The following ALOX12B variants were observed in gnomAD, a reference collection of about 807,000 sequenced individuals.
The protein encoded by ALOX12B is arachidonate 12-lipoxygenase, 12R-type.
Under a neutral mutation model 78.9 loss-of-function variants are expected in ALOX12B, and 47 were observed. The observed-to-expected ratio is 0.60, with a 90% CI of 0.47 to 0.76. The LOEUF (loss-of-function observed/expected upper bound fraction) is 0.76. ALOX12B is among the 30% of genes least tolerant of loss of function. The pLI is 0.00. For missense variants in ALOX12B, 805 were observed against 922.6 expected (o/e 0.87, Z 1.65); for synonymous variants, 370 against 374.5 (o/e 0.99, Z 0.14).
At chr17:8,082,646 C>G (rs1977240399) in intron 2 of ALOX12B, among the ~76,000 whole-genome samples, 1 of 152,164 alleles carries the variant, frequency 6.6e-6, no homozygotes, top group South Asian at 2.1e-4. Flanking sequence ...AGTGTTTCAC[C>G]CTGAACATCT....
rs1567985357 is a variant in ALOX12B, at chr17:8,086,177, A to G, written c.191T>C (p.Leu64Pro). 6.2e-7 allele frequency: 1 copy of G among 1,614,060 alleles called. No individual in the cohort carries two copies. The highest frequency in any genetic ancestry group is 1.7e-5 in the Admixed American group (1 of 60,016). ...CTCTTTGTGCAGGCGGATGATGATG[A>G]GCTCACCCAGGTCCTGAGGGCACTG... The part of the protein sequence containing the change: ...TVQCPQDLGE[L>P]IIIRLHKERY... The change falls in exon 2 of 15, where the codon CTC becomes CCC. Residue 64 changes from leucine to proline, a missense_variant. By Grantham distance (98) the Leu-to-Pro change is moderately conservative. Coordinates refer to ENST00000647874, the MANE Select transcript of ALOX12B (RefSeq NM_001139.3).
At position 8,087,548 on chromosome 17, in the gene ALOX12B, C is replaced by T; in HGVS notation, c.-106G>A. ...GAAGCCAGGCACAGAGTGGAGTGGA[C>T]AGGGCTGGCCTCCGAGGTGCAGTGG... On this transcript the variant is annotated 5_prime_UTR_variant, in exon 1 of 15. Transcript: ENST00000647874. The T allele has an allele frequency of 1.9e-6, 3 of 1,571,788 alleles. No individual in the cohort carries two copies. Among genetic ancestry groups the T allele is most frequent in the East Asian group, 4.5e-5 (2 of 44,428 alleles).
At chr17:8,083,231 C>T (rs768122195) in intron 2 of ALOX12B, among the ~76,000 whole-genome samples, 5 of 152,004 alleles carry the variant, frequency 3.3e-5, no homozygotes, top group Non-Finnish European at 7.3e-5. Context: ...AACATACACA[C>T]ATGTGTACAG....
intron 2 of ALOX12B, among the ~76,000 whole-genome samples, chr17:8,082,714 C>A (rs943872402): frequency 6.6e-6 from 1 of 152,104 alleles, no homozygotes; most frequent in Non-Finnish European, 1.5e-5. Context: ...GAACTCTGGG[C>A]CTTTTGCAGC....
chr17:8,079,629 G>C lies in ALOX12B; in HGVS notation c.928-90C>G, dbSNP rs897803171. 2.0e-6 allele frequency: 3 copies of C among 1,535,092 alleles called. No homozygotes were observed. The Admixed American group carries it at 5.9e-5, about 30-fold the overall frequency. On this transcript the variant is annotated intron_variant, in intron 7 of 14. Coordinates refer to ENST00000647874, the MANE Select transcript of ALOX12B (RefSeq NM_001139.3). This position sits in a 1 kb window ranked among gnomAD's most constrained non-coding sequence, Gnocchi z 6.4. ...AGGTGCACAGGGCGCTGGCGACTAG[G>C]GGCAGGGGTGGGACGGGGACAGGGA...
rs550272024 is a variant in ALOX12B, at chr17:8,072,855, G to A, written c.2022C>T (p.His674=). ...AFRQRLNQIS[H]DIRQRNKCLP... is the part of the protein sequence containing the mutation. ...GGCACTTGTTGCGCTGGCGGATGTC[G>A]TGTGAGATCTGGTTCAGGCGCTGGC... The change falls in exon 15 of 15, where the codon CAC becomes CAT. Residue 674 remains histidine, a synonymous_variant. Coordinates refer to ENST00000647874, the MANE Select transcript of ALOX12B (RefSeq NM_001139.3). 6.2e-7 allele frequency: 1 copy of A among 1,614,208 alleles called. No homozygotes were observed. Among genetic ancestry groups the A allele is most frequent in the African/African-American group, 1.3e-5 (1 of 75,048 alleles).
chr17:8,076,344 C>T lies in ALOX12B; in HGVS notation c.1363G>A (p.Gly455Ser), dbSNP rs1977081555. Residue 455 changes from glycine to serine, a missense_variant and splice_region_variant, in exon 11 of 15, where the codon GGC becomes AGC. Gly to Ser is a moderately conservative substitution (Grantham distance 56). Transcript: ENST00000647874. ...LLNEGGLSAK[G>S]MSLGVEGFAG... is the part of the protein sequence containing the mutation. ...AAGCCTTCCACGCCCAGGGACATGC[C>T]CTGTGAGGAAGGAGGCAGATCCTGG... 6.3e-7 allele frequency: 1 copy of T among 1,598,574 alleles called. No homozygotes were observed. The highest frequency in any genetic ancestry group is 8.5e-7 in the Non-Finnish European group (1 of 1,172,298).
chr17:8,080,878 C>A lies in ALOX12B; in HGVS notation c.527+6G>T, dbSNP rs370537484. 8.7e-6 allele frequency: 14 copies of A among 1,613,792 alleles called. No individual in the cohort carries two copies. The African/African-American group carries it at 1.5e-4, about 17-fold the overall frequency. ...GGCGGGGCCCAGCACAGCTTCGGGT[C>A]CTTACTCAGGCCGGTTGGGGTTGCG... is the stretch of plus-strand genomic sequence containing the variant. On this transcript the variant is annotated splice_donor_region_variant and intron_variant, in intron 4 of 14. Coordinates refer to ENST00000647874, the MANE Select transcript of ALOX12B (RefSeq NM_001139.3). This position sits in a 1 kb window ranked among gnomAD's most constrained non-coding sequence, Gnocchi z 4.8.
At chr17:8,078,928 C>T (rs1002764192) in intron 8 of ALOX12B, among the ~76,000 whole-genome samples, 7 of 141,494 alleles carry the variant, frequency 4.9e-5, no homozygotes, top group East Asian at 2.1e-4. Context: ...GATGGAGTCT[C>T]GCTCTGTCGC....
Position 8,080,380 on chromosome 17 carries a change from CCAAGCGCCGGCTGGGG to C in ALOX12B, c.651-58_651-43del, listed in dbSNP as rs779377025. On this transcript the variant is annotated intron_variant, in intron 5 of 14. Coordinates refer to ENST00000647874, the MANE Select transcript of ALOX12B (RefSeq NM_001139.3). This position sits in a 1 kb window ranked among gnomAD's most constrained non-coding sequence, Gnocchi z 4.8. ...CAGGAAGAGGCCTTCAGAGGGGCTGCCAAGCGCCGGCTGGGGCAGGTGGCGGGGCCGCCCCATCCAC... is the reference window on the plus strand; with the variant it reads ...CAGGAAGAGGCCTTCAGAGGGGCTGCCAGGTGGCGGGGCCGCCCCATCCAC... The C allele has an allele frequency of 6.2e-7, 1 of 1,607,364 alleles. No individual in the cohort carries two copies. Among genetic ancestry groups the C allele is most frequent in the African/African-American group, 1.3e-5 (1 of 74,786 alleles).
chr17:8,082,794 C>T (rs1436782267), intron 2 of ALOX12B, among the ~76,000 whole-genome samples: 1 of 152,168 alleles, frequency 6.6e-6, no homozygotes, highest in Admixed American at 6.5e-5. Flanking sequence ...CTCATTCCTT[C>T]GTCACCACCG....
At position 8,080,826 on chromosome 17, in the gene ALOX12B, G is replaced by A. The variant is rs1433449767; in HGVS notation, c.528-46C>T. 6.2e-7 allele frequency: 1 copy of A among 1,613,952 alleles called. No homozygotes were observed. Among genetic ancestry groups the A allele is most frequent in the Admixed American group, 1.7e-5 (1 of 60,018 alleles). ...CAACTGGGATCCAGGGGGCGGGGAG[G>A]AGGCAGGCGCCCAGGGGAAAACCAT... On this transcript the variant is annotated intron_variant, in intron 4 of 14. Transcript: ENST00000647874. This position sits in a 1 kb window ranked among gnomAD's most constrained non-coding sequence, Gnocchi z 4.8.
In ALOX12B at chr17:8,073,766, C is replaced by T. The variant is rs751773510; in HGVS notation, c.1655-9G>A. The T allele has an allele frequency of 1.4e-4, 224 of 1,611,950 alleles. No homozygotes were observed. The Middle Eastern group carries it at 3.5e-3, about 25-fold the overall frequency. On this transcript the variant is annotated splice_polypyrimidine_tract_variant and intron_variant, in intron 12 of 14. Coordinates refer to ENST00000647874, the MANE Select transcript of ALOX12B (RefSeq NM_001139.3). ...CAAGCACCTAGGGAAGCCTGACCGG[C>T]GGGGGAAAAGCCCAGGCGACATCAG...
chr17:8,079,133 G>A lies in ALOX12B; in HGVS notation c.1071+263C>T, dbSNP rs1432571689. On this transcript the variant is annotated intron_variant, in intron 8 of 14. Coordinates refer to ENST00000647874, the MANE Select transcript of ALOX12B (RefSeq NM_001139.3). The surrounding 1 kb of genome is among the most constrained non-coding windows in gnomAD (Gnocchi z 6.4). ...AGGATGGTCTCGATCTCCTGACCTC[G>A]TGATCCGCCCGCCTCGGCCTCCCAA... is the stretch of plus-strand genomic sequence containing the variant. Among the ~76,000 whole-genome samples, 23 of 151,996 alleles carry A rather than the reference G, an allele frequency of 1.5e-4. No homozygotes were observed. Among genetic ancestry groups the A allele is most frequent in the African/African-American group, 5.3e-4 (22 of 41,422 alleles).
rs996858451 is a variant in ALOX12B, at chr17:8,075,601, T to G, written c.1648A>C (p.Ser550Arg). The G allele has an allele frequency of 6.2e-7, 1 of 1,613,758 alleles. No homozygotes were observed. Among genetic ancestry groups the G allele is most frequent in the African/African-American group, 1.3e-5 (1 of 74,796 alleles). The stretch of plus-strand genomic sequence containing the variant: ...CAGGTGTCCAGGCCCATACCTGAGC[T>G]CTCCCGCCCCAGGAGGCACTCTTTA... ...IFKECLLGRE[S>R]SGFPRCLRTV... The change falls in exon 12 of 15, where the codon AGC (serine) becomes CGC (arginine). Residue 550 changes from serine to arginine, a missense_variant. Coordinates refer to ENST00000647874, the MANE Select transcript of ALOX12B (RefSeq NM_001139.3).
rs1189970557 is a variant in ALOX12B, at chr17:8,079,721, G to T, written c.927+48C>A. 1 of 1,586,080 alleles carries T rather than the reference G, an allele frequency of 6.3e-7. No homozygotes were observed. Among genetic ancestry groups the T allele is most frequent in the Non-Finnish European group, 8.6e-7 (1 of 1,167,918 alleles). Reference sequence around the variant, plus strand: ...GGTGGGGAGAGACGGGGATGCCCGCGAGGGAGGCCGGGAGGAGGGCCGGGG... The same window carrying T: ...GGTGGGGAGAGACGGGGATGCCCGCTAGGGAGGCCGGGAGGAGGGCCGGGG... On this transcript the variant is annotated intron_variant, in intron 7 of 14. Coordinates refer to ENST00000647874, the MANE Select transcript of ALOX12B (RefSeq NM_001139.3). This position sits in a 1 kb window ranked among gnomAD's most constrained non-coding sequence, Gnocchi z 6.4.
In ALOX12B at chr17:8,085,662, A is replaced by G. The variant is rs1489017453; in HGVS notation, c.352+354T>C. On this transcript the variant is annotated intron_variant, in intron 2 of 14. Transcript: ENST00000647874. ...CCTCCTGTGAGAGTCCTGAGCCTGTACTTAGCATCACAAGGGGTATTTTTA... is the reference window on the plus strand; with the variant it reads ...CCTCCTGTGAGAGTCCTGAGCCTGTGCTTAGCATCACAAGGGGTATTTTTA... 3.3e-5 allele frequency among the ~76,000 whole-genome samples: 5 copies of G among 152,334 alleles called. No individual in the cohort carries two copies. The East Asian group carries it at 9.6e-4, about 29-fold the overall frequency.
At chr17:8,084,399 C>T (rs181240058) in intron 2 of ALOX12B, among the ~76,000 whole-genome samples, 1 of 152,180 alleles carries the variant, frequency 6.6e-6, no homozygotes, top group Non-Finnish European at 1.5e-5. Context: ...ACCCAGAGAC[C>T]TAGCTCGTTT....
rs957058986 is a variant in ALOX12B at position 8,072,702 on chromosome 17, C to A, written c.*69G>T. On this transcript the variant is annotated 3_prime_UTR_variant, in exon 15 of 15. Coordinates refer to ENST00000647874, the MANE Select transcript of ALOX12B (RefSeq NM_001139.3). ...GTCTCTGAGGTTTTTGTGTTTTTTG[C>A]TTGTTTGTTTTGTTTTGTTGAAAAT... 2.5e-5 allele frequency: 40 copies of A among 1,594,680 alleles called. No homozygotes were observed. The highest frequency in any genetic ancestry group is 3.4e-5 in the Admixed American group (2 of 59,112).
Sources: gnomAD v4.1 joint callset for allele counts (sites outside exome capture counted in the v4.1 genomes callset) on GRCh38, gnomAD v4.1.1 for gene constraint, Gnocchi (gnomAD v3.1) non-coding constraint, MANE v1.5 for transcripts, NCBI Gene and HGNC (gene_info 2026-07-23, HGNC 2026-07-21) for gene names.